Variants in SRBD1 observed in about 807,000 individuals in gnomAD.
SRBD1 encodes the protein S1 RNA-binding domain-containing protein 1.
SRBD1 carries 88 observed loss-of-function variants against 115.3 expected under a neutral mutation model. The ratio of observed to expected loss-of-function variants is 0.76; its 90% confidence interval spans 0.64 to 0.91. SRBD1 has a LOEUF of 0.91. Ranked by LOEUF, SRBD1 falls within the 40% of genes least tolerant of loss-of-function variation. The probability of loss-of-function intolerance (pLI) is 0.00; values close to 1 mark genes in which losing one functional copy is unlikely to be tolerated. For missense variants in SRBD1, 1,385 were observed against 1,177.4 expected, an observed-to-expected ratio of 1.18 and a Z score of -2.58; for synonymous variants, 509 against 407.7, an observed-to-expected ratio of 1.25 and a Z score of -2.99.
At chr2:45,456,042 C>A (rs577746061) in intron 16 of SRBD1, among the ~76,000 whole-genome samples, 2 of 151,768 alleles carry the variant, frequency 1.3e-5, no homozygotes, top group East Asian at 3.9e-4. Flanking sequence ...AAAAAAATCA[C>A]CTTACTAAAT....
chr2:45,452,942 T>A (rs1024961697), intron 16 of SRBD1, among the ~76,000 whole-genome samples: 5 of 152,050 alleles, frequency 3.3e-5, no homozygotes, highest in Non-Finnish European at 7.4e-5. Flanking sequence ...TTCATCTGCA[T>A]TCCCTGTTTA....
intron 16 of SRBD1, among the ~76,000 whole-genome samples, chr2:45,460,592 T>C (rs1223744091): frequency 1.3e-5 from 2 of 152,222 alleles, no homozygotes; most frequent in Non-Finnish European, 2.9e-5. Flanking sequence ...CATTGGTTTG[T>C]GGTGGGCATT....
In SRBD1 at chr2:45,572,429, C is replaced by T. The variant is rs545560710; in HGVS notation, c.1305+778G>A. 2.0e-5 allele frequency among the ~76,000 whole-genome samples: 3 copies of T among 152,100 alleles called. No individual in the cohort carries two copies. In the South Asian group the frequency reaches 6.2e-4, roughly 32 times the overall value. ...ATGCTTAAAAATGGTTATGATGGTA[C>T]ATTTTATGTTATGTTCATCTTACCA... On this transcript the variant is annotated intron_variant, in intron 9 of 20. Transcript: ENST00000263736.
chr2:45,532,806 C>G (rs773736537), intron 14 of SRBD1, among the ~76,000 whole-genome samples: 1 of 148,052 alleles, frequency 6.8e-6, no homozygotes, highest in African/African-American at 2.4e-5. Flanking sequence ...ACCGACCCCC[C>G]ACTGCAGCCA....
intron 14 of SRBD1, among the ~76,000 whole-genome samples, chr2:45,504,777 T>C (rs1365754427): frequency 2.0e-5 from 3 of 152,120 alleles, no homozygotes; most frequent in Non-Finnish European, 4.4e-5. Context: ...GCAAGGACCT[T>C]AAACAGGAGG....
chr2:45,487,339 G>T (rs143032339), intron 15 of SRBD1, among the ~76,000 whole-genome samples: 35 of 152,250 alleles, frequency 2.3e-4, no homozygotes, highest in African/African-American at 8.2e-4. Flanking sequence ...GCTTTCATTA[G>T]ATGCATCATA....
At chr2:45,531,302 G>A (rs1671604241) in intron 14 of SRBD1, among the ~76,000 whole-genome samples, 1 of 151,746 alleles carries the variant, frequency 6.6e-6, no homozygotes. Context: ...GCAGGTAAGT[G>A]AAAACAATAT....
intron 1 of SRBD1, among the ~76,000 whole-genome samples, chr2:45,609,549 T>G (rs1455974372): frequency 6.6e-6 from 1 of 152,216 alleles, no homozygotes; most frequent in Non-Finnish European, 1.5e-5. Context: ...AAGCCACATT[T>G]TTATGAGGCC....
chr2:45,560,474 C>T (rs564872233), intron 10 of SRBD1, among the ~76,000 whole-genome samples: 1 of 152,292 alleles, frequency 6.6e-6, no homozygotes, highest in Admixed American at 6.5e-5. Flanking sequence ...AAGGCCTGTT[C>T]TTCACCAGAC....
rs541806431 is a variant in SRBD1 at position 45,517,101 on chromosome 2, T to C, written c.1875-28770A>G. Among the ~76,000 whole-genome samples, 45 of 152,260 alleles carry C rather than the reference T, an allele frequency of 3.0e-4. No homozygotes were observed. In the South Asian group the frequency reaches 6.7e-3, roughly 23 times the overall value. On this transcript the variant is annotated intron_variant, in intron 14 of 20. Coordinates refer to ENST00000263736, the MANE Select transcript of SRBD1 (RefSeq NM_018079.5). The stretch of plus-strand genomic sequence containing the variant: ...CCAAGAAATTAGCTCTTCAGAAGGG[T>C]TGTACTAATTCATACACAGTAATGA...
chr2:45,527,586 A>G (rs1009898770), intron 14 of SRBD1, among the ~76,000 whole-genome samples: 1 of 151,844 alleles, frequency 6.6e-6, no homozygotes, highest in Admixed American at 6.6e-5. Context: ...TTATAATAAA[A>G]ATAACTGCTA....
chr2:45,583,647 AT>A (rs1673430572), intron 5 of SRBD1, among the ~76,000 whole-genome samples: 1 of 152,186 alleles, frequency 6.6e-6, no homozygotes, highest in African/African-American at 2.4e-5. Context: ...GGTATGACTT[AT>A]TAAATTGGTT....
chr2:45,562,611 G>C (rs1672703459), intron 10 of SRBD1, 42 bp downstream of exon 10: 2 of 1,443,836 alleles, frequency 1.4e-6, no homozygotes, highest in Admixed American at 4.4e-5. Context: ...TCATATTTTA[G>C]AAAAGAAACA....
chr2:45,497,885 T>C (rs1205935007), intron 14 of SRBD1, among the ~76,000 whole-genome samples: 1 of 151,914 alleles, frequency 6.6e-6, no homozygotes, highest in Non-Finnish European at 1.5e-5. Flanking sequence ...AAATACAAAA[T>C]CAGCCCGGCA....
chr2:45,547,474 T>C, intron 13 of SRBD1, 48 bp downstream of exon 13: 1 of 1,534,612 alleles, frequency 6.5e-7, no homozygotes, highest in South Asian at 1.1e-5. Flanking sequence ...AAGGTATCTC[T>C]GGTTGACTGA....
chr2:45,465,225 A>G (rs967724835), intron 16 of SRBD1, among the ~76,000 whole-genome samples: 1 of 152,176 alleles, frequency 6.6e-6, no homozygotes, highest in Admixed American at 6.5e-5. Flanking sequence ...TACGGTGTAA[A>G]GGCTATTTAA....
intron 6 of SRBD1, among the ~76,000 whole-genome samples, chr2:45,580,509 CTAT>C (rs1486471753): frequency 4.8e-5 from 5 of 104,660 alleles, no homozygotes; most frequent in African/African-American, 1.8e-4. Context: ...CTACGTCCAG[CTAT>C]TTTTTTTTTT....
chr2:45,552,770 G>C (rs1672343082), intron 11 of SRBD1, among the ~76,000 whole-genome samples: 1 of 152,054 alleles, frequency 6.6e-6, no homozygotes, highest in Non-Finnish European at 1.5e-5. Context: ...AATGACTTTG[G>C]TAAAAAGAAA....
At chr2:45,549,401 C>T (rs1185590582) in intron 12 of SRBD1, among the ~76,000 whole-genome samples, 5 of 150,294 alleles carry the variant, frequency 3.3e-5, no homozygotes, top group African/African-American at 1.2e-4. Context: ...TTCAAACTAA[C>T]GTATGTAAAA....
Sources: gnomAD v4.1 joint callset for allele counts (sites outside exome capture counted in the v4.1 genomes callset) on GRCh38, gnomAD v4.1.1 for gene constraint, MANE v1.5 for transcripts, NCBI Gene and HGNC (gene_info 2026-07-23, HGNC 2026-07-21) for gene names.